HSPA4L: variants seen among roughly 807,000 people sequenced by gnomAD.
HSPA4L encodes the protein heat shock 70 kDa protein 4L.
Under a neutral mutation model 100.3 loss-of-function variants are expected in HSPA4L, and 48 were observed. The ratio of observed to expected loss-of-function variants is 0.48; its 90% CI spans 0.38 to 0.61. The LOEUF is 0.61. Ranked by LOEUF, HSPA4L falls within the 20% of genes least tolerant of loss-of-function variation. The pLI is 0.00. For synonymous variants in HSPA4L, 319 were observed against 328.2 expected (o/e 0.97, Z 0.30); for missense variants, 886 against 988.6 (o/e 0.90, Z 1.39).
intron 17 of HSPA4L, among the ~76,000 whole-genome samples, chr4:127,829,772 ATT>A (rs745376569): frequency 2.1e-5 from 3 of 146,160 alleles, no homozygotes; most frequent in Admixed American, 6.9e-5. Context: ...CAGGCTAGAG[ATT>A]TTTTTTTTTT....
At chr4:127,807,627 TTAAAGG>T (rs1449002948) in intron 10 of HSPA4L, among the ~76,000 whole-genome samples, 4 of 152,100 alleles carry the variant, frequency 2.6e-5, no homozygotes, top group African/African-American at 7.2e-5. Flanking sequence ...AAAGTTTCTA[TTAAAGG>T]TAGCCAGAAT....
At chr4:127,793,517 A>T (rs927078976) in intron 1 of HSPA4L, among the ~76,000 whole-genome samples, 1 of 152,208 alleles carries the variant, frequency 6.6e-6, no homozygotes, top group South Asian at 2.1e-4. Flanking sequence ...GCTCTGTGTT[A>T]TTATTCCATG....
intron 17 of HSPA4L, among the ~76,000 whole-genome samples, chr4:127,829,791 A>T (rs940285924): frequency 1.1e-4 from 17 of 151,870 alleles, no homozygotes; most frequent in African/African-American, 4.1e-4. Context: ...TTTTTAAAGC[A>T]TATGGGTAGA....
chr4:127,797,966 G>C (rs2148781732), intron 3 of HSPA4L, among the ~76,000 whole-genome samples: 1 of 152,158 alleles, frequency 6.6e-6, no homozygotes, highest in South Asian at 2.1e-4. Flanking sequence ...ATTTCTGTTT[G>C]CTTGATTTCT....
intron 1 of HSPA4L, among the ~76,000 whole-genome samples, chr4:127,789,358 C>T (rs552751463): frequency 5.9e-5 from 9 of 152,164 alleles, no homozygotes; most frequent in Non-Finnish European, 1.2e-4. Flanking sequence ...CATTGAAAAC[C>T]GTCCCTGGCC....
In HSPA4L at chr4:127,836,970, T is replaced by C. The variant is rs1287892159; in HGVS notation, c.*4096T>C. On this transcript the variant is annotated 3_prime_UTR_variant, in exon 19 of 19. Transcript: ENST00000296464. ...TTTTTTTTTGTTTTGAGACAGAGTA[T>C]GGCTTTGTTACCCAGGCTGGATTGC... 1 of 152,166 alleles carries C rather than the reference T, an allele frequency of 6.6e-6. No individual in the cohort carries two copies. Among genetic ancestry groups the C allele is most frequent in the African/African-American group, 2.4e-5 (1 of 41,436 alleles). The allele number at this position is 152,166 out of a possible 1,614,324, so 9.4% of individuals were successfully genotyped here.
chr4:127,788,402 A>T (rs893587236), intron 1 of HSPA4L, among the ~76,000 whole-genome samples: 3 of 152,176 alleles, frequency 2.0e-5, no homozygotes, highest in Non-Finnish European at 4.4e-5. Flanking sequence ...AGTTTTTTTT[A>T]GAGCATTCTT....
intron 10 of HSPA4L, among the ~76,000 whole-genome samples, chr4:127,807,189 A>G (rs1223691006): frequency 1.3e-5 from 2 of 152,030 alleles, no homozygotes; most frequent in Non-Finnish European, 2.9e-5. Flanking sequence ...CCATACTTAT[A>G]GTAATAGGAT....
chr4:127,836,371 A>T lies in HSPA4L; in HGVS notation c.*3497A>T. ...AACAGAGCAAGACTCCATCTCAAAA[A>T]CAAAACAAAACAAAAACATAAAAGG... On this transcript the variant is annotated 3_prime_UTR_variant, in exon 19 of 19. Coordinates refer to ENST00000296464, the MANE Select transcript of HSPA4L (RefSeq NM_014278.4). The T allele has an allele frequency of 6.3e-6, 1 of 159,276 alleles. No homozygotes were observed. Among genetic ancestry groups the T allele is most frequent in the East Asian group, 1.9e-4 (1 of 5,390 alleles). The allele number at this position is 159,276 out of a possible 1,614,324, so 9.9% of individuals were successfully genotyped here.
chr4:127,818,700 T>G (rs1025114085), intron 13 of HSPA4L, among the ~76,000 whole-genome samples: 1 of 151,478 alleles, frequency 6.6e-6, no homozygotes, highest in Non-Finnish European at 1.5e-5. Flanking sequence ...CACGGACACA[T>G]AGAGGGGAAC....
At chr4:127,809,961 A>G (rs144375669) in intron 11 of HSPA4L, among the ~76,000 whole-genome samples, 12 of 152,320 alleles carry the variant, frequency 7.9e-5, no homozygotes, top group African/African-American at 2.6e-4. Flanking sequence ...TCATCCTAAA[A>G]TATTATTTCT....
rs1733339450 is a variant in HSPA4L, at chr4:127,805,797, A to C, written c.1244+4A>C. 2 of 1,574,472 alleles carry C rather than the reference A, an allele frequency of 1.3e-6. No individual in the cohort carries two copies. The highest frequency in any genetic ancestry group is 1.7e-6 in the Non-Finnish European group (2 of 1,146,050). ...CCTCTTTTGAAGATGGAAGTGGGTA[A>C]GTTATTTTTAAAACCTTGATTAGAG... On this transcript the variant is annotated splice_donor_region_variant and intron_variant, in intron 10 of 18. Transcript: ENST00000296464.
intron 14 of HSPA4L, 101 bp from the exon 15 acceptor site, chr4:127,822,668 T>C (rs1169036936): frequency 4.6e-6 from 5 of 1,098,174 alleles, no homozygotes; most frequent in Non-Finnish European, 6.5e-6. Context: ...ATTTTTTGTA[T>C]TGTAATCATC....
intron 16 of HSPA4L, among the ~76,000 whole-genome samples, chr4:127,826,466 A>G (rs980917280): frequency 4.6e-5 from 7 of 152,220 alleles, no homozygotes; most frequent in Admixed American, 2.6e-4. Flanking sequence ...TATGACGTGA[A>G]TAGACCAAAT....
intron 12 of HSPA4L, among the ~76,000 whole-genome samples, chr4:127,817,683 A>AT (rs1216792435): frequency 6.6e-6 from 1 of 152,152 alleles, no homozygotes. Context: ...ATTAATTTTG[A>AT]TTAATTTATA....
intron 1 of HSPA4L, among the ~76,000 whole-genome samples, chr4:127,787,358 G>A (rs1302140682): frequency 6.6e-6 from 1 of 152,022 alleles, no homozygotes; most frequent in Non-Finnish European, 1.5e-5. Flanking sequence ...TACTACATGA[G>A]TTGGTTTTAT....
In HSPA4L at chr4:127,838,698, CTT is replaced by C. The variant is rs1332576965; in HGVS notation, c.*5826_*5827del. ...AACTATAAATGAAAATGATCTTTGT[CTT>C]TCCTTTATCTTGCTTTATCCTCTTA... On this transcript the variant is annotated 3_prime_UTR_variant, in exon 19 of 19. Coordinates refer to ENST00000296464, the MANE Select transcript of HSPA4L (RefSeq NM_014278.4). 5.3e-5 allele frequency: 8 copies of C among 152,248 alleles called. No homozygotes were observed. Among genetic ancestry groups the C allele is most frequent in the African/African-American group, 1.9e-4 (8 of 41,560 alleles). 9.4% of individuals were successfully genotyped at this position (152,248 alleles called of 1,614,324 possible). A position where few individuals can be genotyped will look rare whatever the true frequency, so the allele number is the denominator to read the frequency against.
At chr4:127,810,775 G>C (rs1027236179) in intron 11 of HSPA4L, among the ~76,000 whole-genome samples, 15 of 152,130 alleles carry the variant, frequency 9.9e-5, no homozygotes, top group Admixed American at 5.2e-4. Context: ...AACACACATA[G>C]TCATGTTCTG....
At chr4:127,823,073 A>G (rs1325649630) in intron 15 of HSPA4L, among the ~76,000 whole-genome samples, 179 bp downstream of exon 15, 2 of 152,244 alleles carry the variant, frequency 1.3e-5, no homozygotes, top group Non-Finnish European at 1.5e-5. Context: ...ATATTTTTGA[A>G]TAAGAAGTTA....
Sources: allele counts gnomAD v4.1 joint callset (sites outside exome capture counted in the v4.1 genomes callset), GRCh38; gene constraint gnomAD v4.1.1; transcripts MANE v1.5; gene names NCBI Gene and HGNC (gene_info 2026-07-23, HGNC 2026-07-21).